Variants in MS4A13 observed in about 807,000 individuals in gnomAD.
The protein encoded by MS4A13 is membrane spanning 4-domains A13.
A neutral mutation model predicts 18.4 loss-of-function variants in MS4A13; 21 were observed. That is an observed-to-expected ratio of 1.14 (90% confidence interval 0.81 to 1.64). MS4A13 has a LOEUF of 1.64. MS4A13 is among the 40% of genes most tolerant of loss of function. MS4A13 has a pLI of 0.00. For synonymous variants in MS4A13, 62 were observed against 57.2 expected (o/e 1.08, Z -0.38); for missense variants, 173 against 176.8 (o/e 0.98, Z 0.12).
At chr11:60,540,008 A>G (rs2086843722) in intron 6 of MS4A13, among the ~76,000 whole-genome samples, 1 of 152,248 alleles carries the variant, frequency 6.6e-6, no homozygotes, top group Non-Finnish European at 1.5e-5. Flanking sequence ...AAATAAAAAA[A>G]GTGCCAGTAA....
intron 6 of MS4A13, among the ~76,000 whole-genome samples, chr11:60,532,680 G>A (rs1565214696): frequency 6.7e-6 from 1 of 150,060 alleles, no homozygotes; most frequent in Non-Finnish European, 1.5e-5. Flanking sequence ...ACAGCTCAAG[G>A]AGGCCTGCCT....
At chr11:60,540,584 A>C (rs1246567937) in intron 6 of MS4A13, among the ~76,000 whole-genome samples, 1 of 152,214 alleles carries the variant, frequency 6.6e-6, no homozygotes, top group Non-Finnish European at 1.5e-5. Flanking sequence ...AAGCAAGCTA[A>C]AAATATAATA....
intron 2 of MS4A13, among the ~76,000 whole-genome samples, chr11:60,517,704 G>T (rs2086646380): frequency 2.0e-5 from 3 of 152,156 alleles, no homozygotes; most frequent in Admixed American, 2.0e-4. Context: ...ATGGCTTCCT[G>T]CATTATAGTA....
chr11:60,515,548 C>A lies in MS4A13; in HGVS notation c.-188C>A, dbSNP rs1262851328. Reference sequence around the variant, plus strand: ...CTGGGCGCTGGCGTGAGAACTCGGACTGGGTCCTGGACGAGCGCCCCCCGA... The same window carrying A: ...CTGGGCGCTGGCGTGAGAACTCGGAATGGGTCCTGGACGAGCGCCCCCCGA... On this transcript the variant is annotated 5_prime_UTR_variant, in exon 1 of 7. It adds an upstream start codon to the 5' untranslated region. Coordinates refer to ENST00000378186, the MANE Select transcript of MS4A13 (RefSeq NM_001012417.3). The A allele has an allele frequency of 6.6e-6, 1 of 152,236 alleles. No individual in the cohort carries two copies. Among genetic ancestry groups the A allele is most frequent in the Non-Finnish European group, 1.5e-5 (1 of 68,080 alleles). The allele number at this position is 152,236 out of a possible 1,614,324, so 9.4% of individuals were successfully genotyped here. A position where few individuals can be genotyped will look rare whatever the true frequency, so the allele number is the denominator to read the frequency against.
intron 5 of MS4A13, 141 bp downstream of exon 5, chr11:60,525,467 T>G: frequency 1.9e-6 from 1 of 521,384 alleles, no homozygotes; most frequent in Non-Finnish European, 3.2e-6. Context: ...ATTGAAAATT[T>G]TAAATCAAAA....
At chr11:60,531,198 G>T (rs754926676) in intron 6 of MS4A13, among the ~76,000 whole-genome samples, 2 of 152,068 alleles carry the variant, frequency 1.3e-5, no homozygotes, top group Non-Finnish European at 2.9e-5. Context: ...GACCAAAAGC[G>T]TTATTAAAAC....
rs1555024353 is a variant in MS4A13, at chr11:60,527,400, C to CTGTGTG, written c.307-1964_307-1963insGTGTGT. On this transcript the variant is annotated intron_variant, in intron 5 of 6. Transcript: ENST00000378186. ...TCTCTCTCTCTCTCTCTCTCTCTCT[C>CTGTGTG]TCTCTCTCTCTGTGTGTGTGTGTGT... is the stretch of plus-strand genomic sequence containing the variant. Among the ~76,000 whole-genome samples the CTGTGTG allele has an allele frequency of 4.7e-3, 390 of 83,760 alleles. 1 individual carries two copies. Among genetic ancestry groups the CTGTGTG allele is most frequent in the Non-Finnish European group, 6.8e-3 (294 of 43,262 alleles). 54.9% of individuals were successfully genotyped at this position (83,760 alleles called of 152,430 possible).
chr11:60,540,017 A>G (rs1470651742), intron 6 of MS4A13, among the ~76,000 whole-genome samples: 1 of 152,246 alleles, frequency 6.6e-6, no homozygotes, highest in East Asian at 1.9e-4. Flanking sequence ...AAGTGCCAGT[A>G]AAAGTAATTA....
intron 6 of MS4A13, among the ~76,000 whole-genome samples, chr11:60,540,708 A>G (rs774756738): frequency 9.9e-5 from 15 of 152,180 alleles, no homozygotes; most frequent in South Asian, 6.2e-4. Flanking sequence ...GCATTTTGGG[A>G]GGCCAACTCG....
intron 5 of MS4A13, among the ~76,000 whole-genome samples, chr11:60,527,513 G>C (rs977311970): frequency 3.3e-5 from 5 of 151,556 alleles, no homozygotes; most frequent in African/African-American, 1.2e-4. Flanking sequence ...GTCAGGGAGG[G>C]AGTTTTAGAA....
intron 6 of MS4A13, among the ~76,000 whole-genome samples, chr11:60,532,356 C>G (rs564661254): frequency 2.0e-5 from 3 of 152,316 alleles, no homozygotes; most frequent in East Asian, 3.9e-4. Context: ...ATTGCCTCAC[C>G]TGGGAAGCTC....
intron 3 of MS4A13, 85 bp downstream of exon 3, chr11:60,518,297 C>A: frequency 8.8e-7 from 1 of 1,139,970 alleles, no homozygotes; most frequent in Non-Finnish European, 1.2e-6. Context: ...GGTTTCTGAA[C>A]AAGGTTTTCA....
Position 60,529,463 on chromosome 11 carries a change from A to T in MS4A13, c.402+3A>T. The T allele has an allele frequency of 1.3e-6, 2 of 1,565,718 alleles. No individual in the cohort carries two copies. Among genetic ancestry groups the T allele is most frequent in the Non-Finnish European group, 1.7e-6 (2 of 1,148,184 alleles). On this transcript the variant is annotated splice_donor_region_variant and intron_variant, in intron 6 of 6. Transcript: ENST00000378186. ...CAATATACAGCTGTTCCAATTTGGT[A>T]AGTGTTTACCCACTCTCTGGCAAAT...
chr11:60,539,114 C>G, intron 6 of MS4A13, among the ~76,000 whole-genome samples: 1 of 142,886 alleles, frequency 7.0e-6, no homozygotes, highest in Admixed American at 7.1e-5. Flanking sequence ...CTTGGGAGAC[C>G]CTAAGCAGAA....
At chr11:60,527,408 CTCTG>C (rs1218659348) in intron 5 of MS4A13, among the ~76,000 whole-genome samples, 5 of 35,556 alleles carry the variant, frequency 1.4e-4, no homozygotes, top group African/African-American at 5.0e-4. Flanking sequence ...CTCTCTCTCT[CTCTG>C]TGTGTGTGTG....
chr11:60,515,702 A>T (rs2135243647), intron 1 of MS4A13, 95 bp downstream of exon 1: 1 of 152,336 alleles, frequency 6.6e-6, no homozygotes, highest in Middle Eastern at 3.4e-3. Context: ...CATACTCTGT[A>T]AACAGTAGGC....
At chr11:60,517,309 A>C (rs10897077) in intron 2 of MS4A13, among the ~76,000 whole-genome samples, 66,045 of 152,018 alleles carry the variant, frequency 0.43, 15,138 homozygotes, top group Non-Finnish European at 0.51. Context: ...CTTTCTGTTT[A>C]AGTTTATATG....
intron 4 of MS4A13, 118 bp from the exon 5 acceptor site, chr11:60,525,089 C>G: frequency 1.4e-6 from 1 of 700,834 alleles, no homozygotes; most frequent in Non-Finnish European, 2.4e-6. Flanking sequence ...TTTAATACTT[C>G]TAAGACTTCA....
At chr11:60,524,503 G>T (rs539700627) in intron 4 of MS4A13, among the ~76,000 whole-genome samples, 1 of 152,172 alleles carries the variant, frequency 6.6e-6, no homozygotes, top group East Asian at 1.9e-4. Flanking sequence ...GATTTCCTTA[G>T]ATAATGAAAA....
Sources: allele counts gnomAD v4.1 joint callset (sites outside exome capture counted in the v4.1 genomes callset), GRCh38; gene constraint gnomAD v4.1.1; transcripts MANE v1.5; gene names NCBI Gene and HGNC (gene_info 2026-07-23, HGNC 2026-07-21).